The following KLHL2 variants were observed in gnomAD, a reference collection of about 807,000 sequenced individuals.
The protein encoded by KLHL2 is kelch-like protein 2.
KLHL2 carries 15 observed loss-of-function variants against 75.8 expected under a neutral mutation model. The ratio of observed to expected loss-of-function variants is 0.20; its 90% CI spans 0.13 to 0.30. The LOEUF (loss-of-function observed/expected upper bound fraction) is 0.30, where lower values mean the gene tolerates loss of function less well. Among genes scored for constraint, KLHL2 ranks in the 10% least tolerant of loss-of-function variants. The pLI, the probability that KLHL2 is intolerant of heterozygous loss-of-function variation, is 1.00. For synonymous variants in KLHL2, 214 were observed against 251.9 expected (o/e 0.85, Z 1.42); for missense variants, 381 against 741.0 (o/e 0.51, Z 5.64).
At chr4:165,294,167 A>C (rs936283126) in intron 5 of KLHL2, among the ~76,000 whole-genome samples, 192 bp from the exon 6 acceptor site, 1 of 152,208 alleles carries the variant, frequency 6.6e-6, no homozygotes, top group South Asian at 2.1e-4. Flanking sequence ...TGTATAAACA[A>C]ATCACTGAAG....
intron 2 of KLHL2, 78 bp from the exon 3 acceptor site, chr4:165,228,729 T>C (rs1437123005): frequency 4.9e-6 from 4 of 818,476 alleles, no homozygotes; most frequent in Non-Finnish European, 8.2e-6. Context: ...TGGGCTTTAC[T>C]GTAATATTTT....
At chr4:165,262,770 G>T (rs1741797186) in intron 4 of KLHL2, among the ~76,000 whole-genome samples, 1 of 152,032 alleles carries the variant, frequency 6.6e-6, no homozygotes, top group Admixed American at 6.6e-5. Flanking sequence ...GTAGAGATGA[G>T]GTCTTGCTAT....
In KLHL2 at chr4:165,317,915, A is replaced by G. The variant is rs1453789023; in HGVS notation, c.1699A>G (p.Thr567Ala). Residue 567 changes from threonine to alanine, a missense_variant, in exon 14 of 15, where the codon ACC becomes GCC. This residue lies in a region of KLHL2 where 168 missense variants were observed against 370.4 expected (regional missense o/e 0.45). Transcript: ENST00000226725. Reference protein sequence around the residue: ...LASVEYYNPTTDKWTVVSSCM... With the variant: ...LASVEYYNPTADKWTVVSSCM... Reference sequence around the variant, plus strand: ...GTCAGTAGAATATTATAACCCAACAACCGATAAATGGACAGTTGTGTCATC... The same window carrying G: ...GTCAGTAGAATATTATAACCCAACAGCCGATAAATGGACAGTTGTGTCATC... 1 of 1,613,990 alleles carries G rather than the reference A, an allele frequency of 6.2e-7. No homozygotes were observed.
chr4:165,303,249 A>G (rs971713247), intron 8 of KLHL2, among the ~76,000 whole-genome samples: 6 of 152,200 alleles, frequency 3.9e-5, no homozygotes, highest in Non-Finnish European at 8.8e-5. Context: ...AAAGTGAACT[A>G]TTGCGTGGAA....
intron 11 of KLHL2, 40 bp downstream of exon 11, chr4:165,311,605 G>T: frequency 1.4e-6 from 2 of 1,417,282 alleles, no homozygotes; most frequent in South Asian, 2.4e-5. Flanking sequence ...GTGGCATTTT[G>T]ATCCTTGAGA....
In KLHL2 at chr4:165,281,346, C is replaced by T. The variant is rs551373037; in HGVS notation, c.545-13013C>T. ...TTCATTTTTTATTGAGATGGAGTCTCGCTCTGTCACCCAGGCTGGAGTGCA... is the reference window on the plus strand; with the variant it reads ...TTCATTTTTTATTGAGATGGAGTCTTGCTCTGTCACCCAGGCTGGAGTGCA... On this transcript the variant is annotated intron_variant, in intron 5 of 14. Transcript: ENST00000226725. Among the ~76,000 whole-genome samples, 4 of 147,636 alleles carry T rather than the reference C, an allele frequency of 2.7e-5. No individual in the cohort carries two copies. In the South Asian group the frequency reaches 6.4e-4, roughly 24 times the overall value.
At chr4:165,264,223 T>C (rs895558485) in intron 5 of KLHL2, among the ~76,000 whole-genome samples, 7 of 152,208 alleles carry the variant, frequency 4.6e-5, no homozygotes, top group African/African-American at 1.7e-4. Flanking sequence ...ACATCCTTTT[T>C]TTTTTATTCT....
At chr4:165,213,552 A>G (rs1737343709) in intron 1 of KLHL2, among the ~76,000 whole-genome samples, 1 of 151,684 alleles carries the variant, frequency 6.6e-6, no homozygotes, top group Non-Finnish European at 1.5e-5. Flanking sequence ...CTTTACTCCA[A>G]CTCATTCCAG....
chr4:165,226,329 G>A (rs1738428336), intron 2 of KLHL2, among the ~76,000 whole-genome samples: 1 of 152,006 alleles, frequency 6.6e-6, no homozygotes. Context: ...GCTGCTTCAG[G>A]TCTCCATGCG....
intron 2 of KLHL2, among the ~76,000 whole-genome samples, chr4:165,225,501 T>G (rs1738366496): frequency 6.6e-6 from 1 of 152,202 alleles, no homozygotes; most frequent in African/African-American, 2.4e-5. Flanking sequence ...TCCTACAGTT[T>G]ATTCCCTCAT....
intron 5 of KLHL2, chr4:165,278,822 G>T: frequency 6.4e-7 from 1 of 1,553,056 alleles, no homozygotes; most frequent in Non-Finnish European, 8.9e-7. Context: ...CGTATTTTTG[G>T]CTTGTCCAAT....
chr4:165,218,108 T>C (rs527643166), intron 1 of KLHL2, among the ~76,000 whole-genome samples: 1 of 152,334 alleles, frequency 6.6e-6, no homozygotes, highest in East Asian at 1.9e-4. Flanking sequence ...TAAGCCACTG[T>C]CATTTTTTAG....
intron 4 of KLHL2, among the ~76,000 whole-genome samples, chr4:165,243,848 T>G (rs1740013327): frequency 6.6e-6 from 1 of 152,220 alleles, no homozygotes; most frequent in African/African-American, 2.4e-5. Flanking sequence ...AGCTTTAAGT[T>G]GGCTTAATCA....
intron 1 of KLHL2, chr4:165,209,255 A>G (rs1737043373): frequency 6.6e-6 from 1 of 152,270 alleles, no homozygotes; most frequent in Admixed American, 6.5e-5. Context: ...TCACATCAGC[A>G]GCATGAGCAC....
chr4:165,322,428 A>G lies in KLHL2; in HGVS notation c.*368A>G, dbSNP rs1172050549. 5 of 168,924 alleles carry G rather than the reference A, an allele frequency of 3.0e-5. No individual in the cohort carries two copies. The highest frequency in any genetic ancestry group is 6.3e-5 in the Non-Finnish European group (5 of 79,372). The allele number at this position is 168,924 out of a possible 1,614,324, so 10.5% of individuals were successfully genotyped here. A position where few individuals can be genotyped will look rare whatever the true frequency, so the allele number is the denominator to read the frequency against. The stretch of plus-strand genomic sequence containing the variant: ...GTGTGTTCTTGTAAAATTAAATTTT[A>G]TCTTTATTTCTTCTAAAAATCTGTA... On this transcript the variant is annotated 3_prime_UTR_variant, in exon 15 of 15. Transcript: ENST00000226725.
In KLHL2 at chr4:165,322,491, C is replaced by A. The variant is rs555433596; in HGVS notation, c.*431C>A. On this transcript the variant is annotated 3_prime_UTR_variant, in exon 15 of 15. Transcript: ENST00000226725. The stretch of plus-strand genomic sequence containing the variant: ...AAAATCTTTGAACAGATATTAAAAT[C>A]TACGTAAGTATACAAACTAGTTGAG... 1 of 155,452 alleles carries A rather than the reference C, an allele frequency of 6.4e-6. No homozygotes were observed. Among genetic ancestry groups the A allele is most frequent in the Non-Finnish European group, 1.4e-5 (1 of 70,220 alleles). 9.6% of individuals were successfully genotyped at this position (155,452 alleles called of 1,614,324 possible).
intron 4 of KLHL2, among the ~76,000 whole-genome samples, chr4:165,243,263 G>T (rs968773519): frequency 1.3e-5 from 2 of 152,152 alleles, no homozygotes; most frequent in African/African-American, 4.8e-5. Context: ...TGACTTCTCC[G>T]CCTTTGGGTA....
chr4:165,241,084 T>C (rs1739782658), intron 4 of KLHL2, among the ~76,000 whole-genome samples: 1 of 152,234 alleles, frequency 6.6e-6, no homozygotes, highest in South Asian at 2.1e-4. Context: ...GCAGGCTTAT[T>C]AAATGCTTAA....
At chr4:165,277,964 A>C in intron 5 of KLHL2, 4 of 1,079,790 alleles carry the variant, frequency 3.7e-6, no homozygotes, top group Non-Finnish European at 5.8e-6. Context: ...GCATCTTGGG[A>C]ATCCATGAGT....
Sources: allele counts gnomAD v4.1 joint callset (sites outside exome capture counted in the v4.1 genomes callset), GRCh38; gene constraint gnomAD v4.1.1; regional missense constraint gnomAD v4.1.1; transcripts MANE v1.5; gene names NCBI Gene and HGNC (gene_info 2026-07-23, HGNC 2026-07-21).